GAD1: variants seen among roughly 807,000 people sequenced by gnomAD.
GAD1 encodes glutamate decarboxylase 1.
A neutral mutation model predicts 75.2 loss-of-function variants in GAD1; 35 were observed. That is an observed-to-expected ratio of 0.47 (90% CI 0.36 to 0.62). GAD1 has a LOEUF of 0.62. Ranked by LOEUF, GAD1 falls within the 20% of genes least tolerant of loss-of-function variation. The pLI is 0.00. For missense variants in GAD1, 490 were observed against 758.5 expected, an observed-to-expected ratio of 0.65 and a Z score of 4.16; for synonymous variants, 257 against 271.9, an observed-to-expected ratio of 0.95 and a Z score of 0.54.
chr2:170,839,251 T>C (rs1702446152), intron 6 of GAD1, among the ~76,000 whole-genome samples: 2 of 152,348 alleles, frequency 1.3e-5, no homozygotes, highest in South Asian at 2.1e-4. Flanking sequence ...TCCTCAGTCA[T>C]AGCCTCTTAA....
chr2:170,819,255 A>G (rs1701799851), intron 2 of GAD1, among the ~76,000 whole-genome samples: 1 of 151,810 alleles, frequency 6.6e-6, no homozygotes, highest in Non-Finnish European at 1.5e-5. Flanking sequence ...ACTGAGACTG[A>G]GCCTTGACAT....
At chr2:170,840,718 A>G (rs1025123598) in intron 6 of GAD1, among the ~76,000 whole-genome samples, 50 of 151,944 alleles carry the variant, frequency 3.3e-4, no homozygotes, top group African/African-American at 1.2e-3. Context: ...TTGATTAAAA[A>G]AAAATTAAAA....
chr2:170,836,369 T>C (rs187870457), intron 5 of GAD1, among the ~76,000 whole-genome samples: 63 of 152,290 alleles, frequency 4.1e-4, no homozygotes, highest in Middle Eastern at 3.4e-3. Flanking sequence ...GATTTAGAGT[T>C]ACGTAGCAAA....
intron 14 of GAD1, among the ~76,000 whole-genome samples, chr2:170,854,877 A>G (rs903375582): frequency 6.6e-6 from 1 of 152,198 alleles, no homozygotes. Context: ...GCATTCATCA[A>G]CCTTTTGGGT....
At chr2:170,856,888 G>A (rs186915385) in intron 14 of GAD1, 130 bp from the exon 15 acceptor site, 6 of 776,224 alleles carry the variant, frequency 7.7e-6, no homozygotes, top group Admixed American at 1.7e-5. Flanking sequence ...TATTTGATTA[G>A]ATTGTTCTTC....
At position 170,844,104 on chromosome 2, in the gene GAD1, TGA is replaced by T. The variant is rs1189720963; in HGVS notation, c.705_706del (p.Glu235AspfsTer7). 6 of 1,611,720 alleles carry T rather than the reference TGA, an allele frequency of 3.7e-6. No homozygotes were observed. Among genetic ancestry groups the T allele is most frequent in the Non-Finnish European group, 5.1e-6 (6 of 1,177,854 alleles). On this transcript the variant is annotated frameshift_variant, in exon 7 of 17. Transcript: ENST00000358196. LOFTEE classifies it high-confidence loss of function. ...ATGGAACAAATAACACTTAAGAAGA[TGA>T]GAGAGATAGTTGGATGGTCAAGTAA...
intron 7 of GAD1, chr2:170,845,224 T>C (rs1702604209): frequency 2.0e-6 from 1 of 495,010 alleles, no homozygotes; most frequent in African/African-American, 1.9e-5. Flanking sequence ...AGCTACCTCT[T>C]ATATTTCTGT....
At position 170,852,741 on chromosome 2, in the gene GAD1, C is replaced by G; in HGVS notation, c.1212C>G (p.His404Gln). Residue 404 changes from histidine to glutamine, a missense_variant, in exon 13 of 17, where the codon CAC becomes CAG. This residue lies in a region of GAD1 where 324 missense variants were observed against 523.9 expected (regional missense o/e 0.62). Transcript: ENST00000358196. Reference sequence around the variant, plus strand: ...CCAACTCAGTCACCTGGAACCCTCACAAGATGATGGGCGTGCTGTTGCAGT... The same window carrying G: ...CCAACTCAGTCACCTGGAACCCTCAGAAGATGATGGGCGTGCTGTTGCAGT... The part of the protein sequence containing the change: ...ERANSVTWNP[H>Q]KMMGVLLQCS... 6.2e-7 allele frequency: 1 copy of G among 1,614,216 alleles called. No individual in the cohort carries two copies. Among genetic ancestry groups the G allele is most frequent in the Non-Finnish European group, 8.5e-7 (1 of 1,180,028 alleles).
intron 10 of GAD1, among the ~76,000 whole-genome samples, chr2:170,846,431 G>C (rs1702634350): frequency 6.6e-6 from 1 of 152,138 alleles, no homozygotes; most frequent in East Asian, 1.9e-4. Flanking sequence ...TTTTAGCTTA[G>C]GATTCTGTTT....
Position 170,857,023 on chromosome 2 carries a change from A to T in GAD1, c.1419A>T (p.Thr473=). 1 of 1,613,562 alleles carries T rather than the reference A, an allele frequency of 6.2e-7. No homozygotes were observed. The highest frequency in any genetic ancestry group is 8.5e-7 in the Non-Finnish European group (1 of 1,179,554). Residue 473 remains threonine, a synonymous_variant, in exon 15 of 17, where the codon ACA becomes ACT. Coordinates refer to ENST00000358196, the MANE Select transcript of GAD1 (RefSeq NM_000817.3). ...GACTTTTCTCTTTAAAACAGGGCACAGTGGGATTTGAAAACCAGATCAACA... is the reference window on the plus strand; with the variant it reads ...GACTTTTCTCTTTAAAACAGGGCACTGTGGGATTTGAAAACCAGATCAACA... ...KFWLMWKAKG[T]VGFENQINKC...
In GAD1 at chr2:170,847,824, TG is replaced by T. The variant is rs764151569; in HGVS notation, c.1119+38del. The T allele has an allele frequency of 3.5e-5, 51 of 1,460,866 alleles. No homozygotes were observed. In the Admixed American group the frequency reaches 8.2e-4, roughly 23 times the overall value. The allele number at this position is 1,460,866 out of a possible 1,614,324, so 90.5% of individuals were successfully genotyped here. ...GCTATATAACTCAGGCCAGTCCATG[TG>T]GGGGGTGGAGGCACCTCTTTTTTAT... On this transcript the variant is annotated intron_variant, in intron 11 of 16. Coordinates refer to ENST00000358196, the MANE Select transcript of GAD1 (RefSeq NM_000817.3).
chr2:170,834,012 A>AAG (rs766849940), intron 5 of GAD1, among the ~76,000 whole-genome samples: 23 of 151,194 alleles, frequency 1.5e-4, no homozygotes, highest in Admixed American at 2.6e-4. Context: ...AAAAAAAAAA[A>AAG]AGAGAGAGAG....
rs970608552 is a variant in GAD1 at position 170,820,190 on chromosome 2, C to A, written c.82+1517C>A. Among the ~76,000 whole-genome samples the A allele has an allele frequency of 1.4e-4, 21 of 152,062 alleles. 1 individual carries two copies. Among genetic ancestry groups the A allele is most frequent in the Non-Finnish European group, 1.5e-5 (1 of 67,998 alleles). ...CCTGGGGGTGGGGGTGGGGGGTTAG[C>A]GGGCAGTTGTGTTAATTTGCCCTCC... On this transcript the variant is annotated intron_variant, in intron 2 of 16. Transcript: ENST00000358196.
rs1035541829 is a variant in GAD1 at position 170,857,038 on chromosome 2, C to G, written c.1434C>G (p.Asn478Lys). 1 of 1,613,706 alleles carries G rather than the reference C, an allele frequency of 6.2e-7. No homozygotes were observed. Among genetic ancestry groups the G allele is most frequent in the African/African-American group, 1.3e-5 (1 of 74,900 alleles). The stretch of plus-strand genomic sequence containing the variant: ...AACAGGGCACAGTGGGATTTGAAAA[C>G]CAGATCAACAAATGCCTGGAACTGG... ...WKAKGTVGFE[N>K]QINKCLELAE... Residue 478 changes from asparagine (N) to lysine (K), a missense_variant, in exon 15 of 17, where the codon AAC (asparagine) becomes AAG (lysine). Asn to Lys is a moderately conservative substitution (Grantham distance 94). Coordinates refer to ENST00000358196, the MANE Select transcript of GAD1 (RefSeq NM_000817.3).
chr2:170,827,903 G>A (rs1702062020), intron 3 of GAD1, among the ~76,000 whole-genome samples: 1 of 152,118 alleles, frequency 6.6e-6, no homozygotes, highest in South Asian at 2.1e-4. Flanking sequence ...CAAGGAGAGG[G>A]GGTGGTGCAA....
At chr2:170,837,292 C>T (rs1233342976) in intron 6 of GAD1, among the ~76,000 whole-genome samples, 5 of 152,174 alleles carry the variant, frequency 3.3e-5, no homozygotes. Flanking sequence ...ACCCACAAAC[C>T]AATTTGATCA....
intron 3 of GAD1, among the ~76,000 whole-genome samples, chr2:170,826,852 A>G (rs1046307424): frequency 2.0e-5 from 3 of 152,280 alleles, no homozygotes; most frequent in South Asian, 4.1e-4. Flanking sequence ...CTGGGATGAG[A>G]GGAGCAGTCT....
At chr2:170,843,302 C>A (rs1166244488) in intron 6 of GAD1, among the ~76,000 whole-genome samples, 2 of 152,186 alleles carry the variant, frequency 1.3e-5, no homozygotes, top group African/African-American at 4.8e-5. Context: ...ACAAATGTAA[C>A]CTTCCAAGAT....
rs1702952723 is a variant in GAD1 at position 170,861,047 on chromosome 2, G to A, written c.*1165G>A. The A allele has an allele frequency of 6.6e-6, 1 of 152,596 alleles. No individual in the cohort carries two copies. The highest frequency in any genetic ancestry group is 1.5e-5 in the Non-Finnish European group (1 of 68,046). 9.5% of individuals were successfully genotyped at this position (152,596 alleles called of 1,614,324 possible). A position where few individuals can be genotyped will look rare whatever the true frequency, so the allele number is the denominator to read the frequency against. The stretch of plus-strand genomic sequence containing the variant: ...TGAAGATCTCAGATAAAGTGACCAG[G>A]CTCACAACTGTTTTTGAAGAAGGGA... On this transcript the variant is annotated 3_prime_UTR_variant, in exon 17 of 17. Coordinates refer to ENST00000358196, the MANE Select transcript of GAD1 (RefSeq NM_000817.3).
Sources: gnomAD v4.1 joint callset for allele counts (sites outside exome capture counted in the v4.1 genomes callset) on GRCh38, gnomAD v4.1.1 for gene constraint, gnomAD v4.1.1 regional missense constraint, MANE v1.5 for transcripts, NCBI Gene and HGNC (gene_info 2026-07-23, HGNC 2026-07-21) for gene names.